Variants in TNKS2 observed in about 807,000 individuals in gnomAD.
TNKS2 encodes poly [ADP-ribose] polymerase tankyrase-2.
TNKS2 carries 72 observed loss-of-function variants against 137.6 expected under a neutral mutation model. That is an observed-to-expected ratio of 0.52 (90% CI 0.43 to 0.64). The LOEUF is 0.64. TNKS2 is among the 30% of genes least tolerant of loss of function. The pLI, the probability that TNKS2 is intolerant of heterozygous loss-of-function variation, is 0.00. For synonymous variants in TNKS2, 516 were observed against 512.1 expected (o/e 1.01, Z -0.10); for missense variants, 1,049 against 1,410.2 (o/e 0.74, Z 4.10).
intron 24 of TNKS2, among the ~76,000 whole-genome samples, chr10:91,858,876 G>T (rs935792968): frequency 6.6e-6 from 1 of 152,138 alleles, no homozygotes; most frequent in Non-Finnish European, 1.5e-5. Flanking sequence ...AGGCATGGTG[G>T]TGTGCACCTA....
chr10:91,841,175 A>C, intron 14 of TNKS2, 108 bp from the exon 15 acceptor site: 2 of 981,244 alleles, frequency 2.0e-6, no homozygotes, highest in Non-Finnish European at 2.8e-6. Context: ...AAGTATAATC[A>C]GTATAATTCC....
At chr10:91,854,729 C>T (rs940399499) in intron 21 of TNKS2, among the ~76,000 whole-genome samples, 1 of 151,902 alleles carries the variant, frequency 6.6e-6, no homozygotes, top group African/African-American at 2.4e-5. Context: ...CATGGAGAAA[C>T]TCCGTCTCTA....
chr10:91,819,570 G>A lies in TNKS2; in HGVS notation c.633+13G>A, dbSNP rs1844820216. On this transcript the variant is annotated intron_variant, in intron 5 of 26. Transcript: ENST00000371627. Reference sequence around the variant, plus strand: ...TGATGGCAGAAAGGTACTTCCTTTTGCAACTGAGTTTGTGCTTATCTCCTG... The same window carrying A: ...TGATGGCAGAAAGGTACTTCCTTTTACAACTGAGTTTGTGCTTATCTCCTG... 6.4e-7 allele frequency: 1 copy of A among 1,569,652 alleles called. No individual in the cohort carries two copies. The highest frequency in any genetic ancestry group is 8.6e-7 in the Non-Finnish European group (1 of 1,162,944).
At chr10:91,853,384 A>G (rs955907788) in intron 21 of TNKS2, among the ~76,000 whole-genome samples, 4 of 152,206 alleles carry the variant, frequency 2.6e-5, no homozygotes, top group Non-Finnish European at 5.9e-5. Context: ...GATCTAGCAT[A>G]TCAGGGTTAC....
intron 12 of TNKS2, among the ~76,000 whole-genome samples, chr10:91,836,000 CGTGTGTGTGTGTGTGTGT>C (rs58777939): frequency 4.4e-5 from 5 of 113,028 alleles, no homozygotes; most frequent in African/African-American, 7.0e-5. Context: ...ATAAGAATAC[CGTGTGTGTGTGTGTGTGT>C]GTGTGTGTGT....
At chr10:91,810,137 C>G (rs1051912477) in intron 1 of TNKS2, among the ~76,000 whole-genome samples, 1 of 152,056 alleles carries the variant, frequency 6.6e-6, no homozygotes, top group Non-Finnish European at 1.5e-5. Context: ...AATCCCCACA[C>G]TTTGGGAGGC....
intron 16 of TNKS2, 94 bp from the exon 17 acceptor site, chr10:91,844,825 T>G (rs192105224): frequency 2.8e-6 from 2 of 705,702 alleles, no homozygotes; most frequent in Admixed American, 5.5e-5. Context: ...TGTATACATG[T>G]AATGACTTTT....
Position 91,855,022 on chromosome 10 carries a change from T to C in TNKS2, c.2816-7T>C. On this transcript the variant is annotated splice_polypyrimidine_tract_variant and splice_region_variant and intron_variant, in intron 21 of 26. Transcript: ENST00000371627. ...TTATTTTTCTACCTTCAAATTTTGT[T>C]TCATAGGTCTTAACCCATATTTAAC... The C allele has an allele frequency of 6.6e-7, 1 of 1,526,196 alleles. No homozygotes were observed. Among genetic ancestry groups the C allele is most frequent in the Non-Finnish European group, 9.0e-7 (1 of 1,111,782 alleles). The allele number at this position is 1,526,196 out of a possible 1,614,324, so 94.5% of individuals were successfully genotyped here. A position where few individuals can be genotyped will look rare whatever the true frequency, so the allele number is the denominator to read the frequency against.
chr10:91,807,484 C>T lies in TNKS2; in HGVS notation c.200-5499C>T, dbSNP rs7093800. 21,541 of 1,564,222 alleles carry T rather than the reference C, an allele frequency of 0.014. 2,495 individuals carry two copies. The African/African-American group carries it at 0.26, about 19-fold the overall frequency. The stretch of plus-strand genomic sequence containing the variant: ...GTAAAGAGAAGCAAGGCCTCAGAAC[C>T]CGGCCCAACAAACTACCTACGTCCG... On this transcript the variant is annotated intron_variant, in intron 1 of 26. Transcript: ENST00000371627.
At chr10:91,816,686 C>CTTTTTTTT (rs34591746) in intron 2 of TNKS2, among the ~76,000 whole-genome samples, 2 of 147,722 alleles carry the variant, frequency 1.4e-5, no homozygotes, top group African/African-American at 5.0e-5. Flanking sequence ...GTGTGATTTT[C>CTTTTTTTT]TTTTTTTTTT....
chr10:91,812,700 G>A, intron 1 of TNKS2: 5 of 870,068 alleles, frequency 5.7e-6, no homozygotes, highest in African/African-American at 1.8e-5. Flanking sequence ...TTTGAACTTT[G>A]AGCTTTCAGT....
intron 6 of TNKS2, among the ~76,000 whole-genome samples, chr10:91,821,964 T>C (rs1457289536): frequency 6.6e-6 from 1 of 152,178 alleles, no homozygotes; most frequent in Admixed American, 6.5e-5. Context: ...CTTTTAGACT[T>C]ACCTTTTAGA....
chr10:91,805,508 T>A (rs1261849093), intron 1 of TNKS2, among the ~76,000 whole-genome samples: 2 of 152,192 alleles, frequency 1.3e-5, no homozygotes, highest in East Asian at 3.9e-4. Flanking sequence ...TTTCCAGCCT[T>A]ATTTTGACAG....
At chr10:91,825,504 A>T (rs1845040095) in intron 7 of TNKS2, among the ~76,000 whole-genome samples, 1 of 152,226 alleles carries the variant, frequency 6.6e-6, no homozygotes, top group Admixed American at 6.5e-5. Flanking sequence ...AGTGCCCTTT[A>T]TGATGTCTTT....
intron 18 of TNKS2, among the ~76,000 whole-genome samples, chr10:91,847,615 A>G (rs1195560796): frequency 3.3e-5 from 5 of 152,142 alleles, no homozygotes; most frequent in Non-Finnish European, 5.9e-5. Flanking sequence ...CGGCCTCCCA[A>G]AGTGCTGGGA....
In TNKS2 at chr10:91,798,454, C is replaced by T. The variant is rs940657960; in HGVS notation, c.-237C>T. 9 of 321,754 alleles carry T rather than the reference C, an allele frequency of 2.8e-5. No individual in the cohort carries two copies. The highest frequency in any genetic ancestry group is 5.1e-5 in the Admixed American group (1 of 19,482). The allele number at this position is 321,754 out of a possible 1,614,324, so 19.9% of individuals were successfully genotyped here. On this transcript the variant is annotated 5_prime_UTR_variant, in exon 1 of 27. Coordinates refer to ENST00000371627, the MANE Select transcript of TNKS2 (RefSeq NM_025235.4). ...TTCCGCCGCCGCGTCGTTTCAGGACCCGGACGGCGGATTCGCGCTGCCTCC... is the reference window on the plus strand; with the variant it reads ...TTCCGCCGCCGCGTCGTTTCAGGACTCGGACGGCGGATTCGCGCTGCCTCC...
intron 2 of TNKS2, among the ~76,000 whole-genome samples, chr10:91,815,706 C>A (rs1185474645): frequency 6.6e-6 from 1 of 151,534 alleles, no homozygotes; most frequent in Non-Finnish European, 1.5e-5. Flanking sequence ...TTCTTTTTTT[C>A]ATGTAGTTAC....
intron 12 of TNKS2, 145 bp from the exon 13 acceptor site, chr10:91,836,774 C>A: frequency 7.2e-7 from 1 of 1,384,148 alleles, no homozygotes; most frequent in Non-Finnish European, 9.4e-7. Context: ...CCCCAACCCT[C>A]ACCCCCCTTA....
In TNKS2 at chr10:91,848,646, C is replaced by A; in HGVS notation, c.2611+11C>A. On this transcript the variant is annotated intron_variant, in intron 19 of 26. Transcript: ENST00000371627. ...TGGAGAAAAAGGAGGGTGAGACGTT[C>A]TACAAAAATAACTTTCTAACTGGTA... 1 of 1,612,624 alleles carries A rather than the reference C, an allele frequency of 6.2e-7. No individual in the cohort carries two copies. The highest frequency in any genetic ancestry group is 1.1e-5 in the South Asian group (1 of 90,840).
Sources: gnomAD v4.1 joint callset for allele counts (sites outside exome capture counted in the v4.1 genomes callset) on GRCh38, gnomAD v4.1.1 for gene constraint, MANE v1.5 for transcripts, NCBI Gene and HGNC (gene_info 2026-07-23, HGNC 2026-07-21) for gene names.